The following ZBTB32 variants were observed in gnomAD, a reference collection of about 807,000 sequenced individuals.
The protein encoded by ZBTB32 is zinc finger and BTB domain containing 32, also known as zinc finger and BTB domain-containing protein 32.
Under a neutral mutation model 45.3 loss-of-function variants are expected in ZBTB32, and 28 were observed. That is an observed-to-expected ratio of 0.62 (90% CI 0.46 to 0.85). The LOEUF is 0.85. Among genes scored for constraint, ZBTB32 ranks in the 40% least tolerant of loss-of-function variants. The probability of loss-of-function intolerance (pLI) is 0.00; values close to 1 mark genes in which losing one functional copy is unlikely to be tolerated. For missense variants in ZBTB32, 587 were observed against 624.4 expected (o/e 0.94, Z 0.64); for synonymous variants, 283 against 255.7 (o/e 1.11, Z -1.02).
intron 1 of ZBTB32, 143 bp from the exon 2 acceptor site, chr19:35,712,773 TC>T (rs1968737249): frequency 6.6e-6 from 1 of 152,032 alleles, no homozygotes; most frequent in Non-Finnish European, 1.5e-5. Context: ...AGGATCTGAG[TC>T]ACTCACACAC....
At position 35,716,830 on chromosome 19, in the gene ZBTB32, C is replaced by G; in HGVS notation, c.*78C>G. The G allele has an allele frequency of 1.3e-6, 2 of 1,508,486 alleles. No individual in the cohort carries two copies. The highest frequency in any genetic ancestry group is 1.8e-6 in the Non-Finnish European group (2 of 1,119,754). The allele number at this position is 1,508,486 out of a possible 1,614,324, so 93.4% of individuals were successfully genotyped here. A position where few individuals can be genotyped will look rare whatever the true frequency, so the allele number is the denominator to read the frequency against. ...GCCGGCTCGGCTTCTGACCTGGCAC[C>G]GCTGCTACGGCGGCCTAGCAAATTC... On this transcript the variant is annotated 3_prime_UTR_variant, in exon 7 of 7. Transcript: ENST00000392197.
intron 3 of ZBTB32, 118 bp from the exon 4 acceptor site, chr19:35,715,639 T>C: frequency 6.8e-7 from 1 of 1,472,556 alleles, no homozygotes; most frequent in South Asian, 1.3e-5. Context: ...AAGAAGCTGC[T>C]GCCACAGGGC....
chr19:35,715,180 A>G lies in ZBTB32; in HGVS notation c.554A>G (p.Gln185Arg), dbSNP rs926422070. Residue 185 changes from glutamine (Q) to arginine (R), a missense_variant, in exon 3 of 7, where the codon CAG (glutamine) becomes CGG (arginine). Transcript: ENST00000392197. ...ATGGCAGGAGCAACGCAGGAGGCTC[A>G]GCAGGAACAGACCAGGTCAAAGGAG... is the stretch of plus-strand genomic sequence containing the variant. The part of the protein sequence containing the change: ...PEMAGATQEA[Q>R]QEQTRSKEKR... 4 of 1,613,234 alleles carry G rather than the reference A, an allele frequency of 2.5e-6. No homozygotes were observed. The highest frequency in any genetic ancestry group is 3.3e-5 in the Admixed American group (2 of 59,930).
chr19:35,716,401 C>T, intron 6 of ZBTB32, 77 bp from the exon 7 acceptor site: 1 of 1,584,860 alleles, frequency 6.3e-7, no homozygotes, highest in Non-Finnish European at 8.6e-7. Context: ...AGCCCCGTGG[C>T]CCGATCCACC....
chr19:35,707,678 A>T (rs796464620), intron 1 of ZBTB32, among the ~76,000 whole-genome samples: 46 of 151,978 alleles, frequency 3.0e-4, no homozygotes, highest in African/African-American at 9.9e-4. Context: ...TGTGTCTACC[A>T]TTTTCTAATG....
intron 3 of ZBTB32, 89 bp from the exon 4 acceptor site, chr19:35,715,668 C>A: frequency 6.7e-7 from 1 of 1,496,760 alleles, no homozygotes; most frequent in Non-Finnish European, 9.0e-7. Context: ...GCCCAGCCCC[C>A]GGGGGAGGAC....
chr19:35,710,039 A>T (rs1048112740), intron 1 of ZBTB32, among the ~76,000 whole-genome samples: 2 of 151,826 alleles, frequency 1.3e-5, no homozygotes, highest in African/African-American at 4.8e-5. Context: ...GTGAAACACC[A>T]TCTCTAATAA....
Position 35,716,668 on chromosome 19 carries a change from C to G in ZBTB32, c.1380C>G (p.Thr460=). ...CCAGCCAACTCCCGCCCGGATGGAC[C>G]ATCCGCTCCACCTTCCTCTACTCCT... ...HSPSQLPPGW[T]IRSTFLYSSS... Residue 460 remains threonine, a synonymous_variant, in exon 7 of 7, where the codon ACC becomes ACG. Coordinates refer to ENST00000392197, the MANE Select transcript of ZBTB32 (RefSeq NM_014383.3). The G allele has an allele frequency of 6.2e-7, 1 of 1,614,066 alleles. No individual in the cohort carries two copies. The highest frequency in any genetic ancestry group is 8.5e-7 in the Non-Finnish European group (1 of 1,179,992).
intron 1 of ZBTB32, among the ~76,000 whole-genome samples, chr19:35,708,397 T>C (rs560814459): frequency 6.6e-5 from 10 of 152,164 alleles, no homozygotes; most frequent in Non-Finnish European, 1.3e-4. Flanking sequence ...AGATGCCTTT[T>C]GACTCAGCCT....
At chr19:35,711,763 G>A (rs1968698982) in intron 1 of ZBTB32, among the ~76,000 whole-genome samples, 1 of 151,860 alleles carries the variant, frequency 6.6e-6, no homozygotes, top group Non-Finnish European at 1.5e-5. Flanking sequence ...ATGGGAGGCC[G>A]GGCGCAATCC....
chr19:35,713,155 A>C (rs1053309671), intron 2 of ZBTB32, 122 bp downstream of exon 2: 36 of 152,226 alleles, frequency 2.4e-4, no homozygotes, highest in African/African-American at 8.2e-4. Flanking sequence ...TGATTATTCC[A>C]AGGTCCTTGC....
chr19:35,705,288 A>G (rs1424014435), intron 1 of ZBTB32, among the ~76,000 whole-genome samples: 1 of 152,130 alleles, frequency 6.6e-6, no homozygotes, highest in East Asian at 1.9e-4. Flanking sequence ...ATTGCACTCC[A>G]GCCTGGGCGA....
chr19:35,708,240 G>C (rs975159716), intron 1 of ZBTB32, among the ~76,000 whole-genome samples: 2 of 152,160 alleles, frequency 1.3e-5, no homozygotes, highest in African/African-American at 4.8e-5. Context: ...ACATCAGTCA[G>C]AGTCCACTCT....
At position 35,714,824 on chromosome 19, in the gene ZBTB32, C is replaced by T. The variant is rs1348989992; in HGVS notation, c.198C>T (p.Ile66=). 2 of 1,613,518 alleles carry T rather than the reference C, an allele frequency of 1.2e-6. No homozygotes were observed. Among genetic ancestry groups the T allele is most frequent in the South Asian group, 1.1e-5 (1 of 91,032 alleles). Residue 66 remains isoleucine, a synonymous_variant, in exon 3 of 7, where the codon ATC becomes ATT. Coordinates refer to ENST00000392197, the MANE Select transcript of ZBTB32 (RefSeq NM_014383.3). ...RRGQWALGEG[I]SPSTFAQLLN... is the part of the protein sequence containing the mutation. ...GCCAGTGGGCTCTGGGAGAAGGCAT[C>T]AGCCCTTCTACCTTTGCCCAGCTCC...
Position 35,715,333 on chromosome 19 carries a change from C to A in ZBTB32, c.707C>A (p.Ala236Glu). ...LRKLPGPLPP[A>E]GSLQTSVTPR... Reference sequence around the variant, plus strand: ...AAGCTCCCTGGCCCCCTTCCCCCAGCAGGCTCCCTGCAAACCAGCGTCACC... The same window carrying A: ...AAGCTCCCTGGCCCCCTTCCCCCAGAAGGCTCCCTGCAAACCAGCGTCACC... Residue 236 changes from alanine to glutamate, a missense_variant, in exon 3 of 7, where the codon GCA (alanine) becomes GAA (glutamate). Coordinates refer to ENST00000392197, the MANE Select transcript of ZBTB32 (RefSeq NM_014383.3). 6.2e-7 allele frequency: 1 copy of A among 1,600,278 alleles called. No individual in the cohort carries two copies. Among genetic ancestry groups the A allele is most frequent in the Non-Finnish European group, 8.5e-7 (1 of 1,174,750 alleles).
Position 35,714,959 on chromosome 19 carries a change from G to C in ZBTB32, c.333G>C (p.Arg111Ser), listed in dbSNP as rs776769310. ...AGTCCCTGGAAGAGGCATGCTGGAG[G>C]GCTCGAGGGGACAGGGCTAAAAAGC... The part of the protein sequence containing the change: ...GVQSLEEACW[R>S]ARGDRAKKPD... The change falls in exon 3 of 7, where the codon AGG (arginine) becomes AGC (serine). Residue 111 changes from arginine to serine, a missense_variant. By Grantham distance (110) the Arg-to-Ser change is moderately radical (BLOSUM62 -1). Coordinates refer to ENST00000392197, the MANE Select transcript of ZBTB32 (RefSeq NM_014383.3). 80 of 1,589,746 alleles carry C rather than the reference G, an allele frequency of 5.0e-5. No homozygotes were observed. Among genetic ancestry groups the C allele is most frequent in the Middle Eastern group, 1.7e-4 (1 of 5,926 alleles).
rs779219197 is a variant in ZBTB32 at position 35,714,668 on chromosome 19, T to C, written c.42T>C (p.Ser14=). The C allele has an allele frequency of 1.7e-5, 27 of 1,594,078 alleles. No individual in the cohort carries two copies. The highest frequency in any genetic ancestry group is 2.2e-5 in the Non-Finnish European group (26 of 1,167,698). Residue 14 remains serine (S), a synonymous_variant, in exon 3 of 7, where the codon TCT becomes TCC. Transcript: ENST00000392197. ...TAAGACTGCCCAGCCCCTATGGCTC[T>C]GATCGGCTGGTACAGCTAGCAGCCA... The part of the protein sequence containing the change: ...PPIRLPSPYG[S]DRLVQLAARL...
intron 2 of ZBTB32, among the ~76,000 whole-genome samples, chr19:35,713,950 G>A (rs575937380): frequency 7.9e-5 from 12 of 152,340 alleles, no homozygotes; most frequent in Middle Eastern, 3.4e-3. Context: ...GGGAATGTCT[G>A]GTTCCTTCCC....
At chr19:35,709,827 C>T (rs1049578575) in intron 1 of ZBTB32, among the ~76,000 whole-genome samples, 2 of 150,516 alleles carry the variant, frequency 1.3e-5, no homozygotes, top group African/African-American at 2.5e-5. Flanking sequence ...TACAGTGAGC[C>T]GAGATTGCGC....
Sources: allele counts gnomAD v4.1 joint callset (sites outside exome capture counted in the v4.1 genomes callset), GRCh38; gene constraint gnomAD v4.1.1; transcripts MANE v1.5; gene names NCBI Gene and HGNC (gene_info 2026-07-23, HGNC 2026-07-21).